ARID1B: variants seen among roughly 807,000 people sequenced by gnomAD.
ARID1B encodes AT-rich interaction domain 1B.
In ARID1B, 30 loss-of-function variants were observed where a neutral mutation model predicts 212.3. That is an observed-to-expected ratio of 0.14 (90% CI 0.11 to 0.19). The LOEUF (loss-of-function observed/expected upper bound fraction) is 0.19. ARID1B is among the 10% of genes least tolerant of loss of function. The probability of loss-of-function intolerance (pLI) is 1.00; values close to 1 mark genes in which losing one functional copy is unlikely to be tolerated. For missense variants in ARID1B, 2,891 were observed against 3,204.0 expected (o/e 0.90, Z 2.36); for synonymous variants, 1,402 against 1,301.7 (o/e 1.08, Z -1.66).
In ARID1B at chr6:157,084,814, C is replaced by T. The variant is rs1325638055; in HGVS notation, c.2400C>T (p.Ser800=). ...FSPHASPHLS[S]IPGGPSPSPV... The stretch of plus-strand genomic sequence containing the variant: ...CACATGCGTCCCCTCATCTCTCCAG[C>T]ATCCCGGGGGGCCCATCTCCCTCTC... Residue 800 remains serine (S), a synonymous_variant, in exon 5 of 20, where the codon AGC becomes AGT. Transcript: ENST00000636930. 6.2e-7 allele frequency: 1 copy of T among 1,613,992 alleles called. No homozygotes were observed. The highest frequency in any genetic ancestry group is 1.3e-5 in the African/African-American group (1 of 74,926).
At position 157,196,025 on chromosome 6, in the gene ARID1B, C is replaced by T. The variant is rs1352617977; in HGVS notation, c.4232-140C>T. On this transcript the variant is annotated intron_variant, in intron 15 of 19. Transcript: ENST00000636930. Reference sequence around the variant, plus strand: ...GCAGTGAGCCAAGATCACACCACTGCATTAGCCTGGGCGACAGAGTGAGAC... The same window carrying T: ...GCAGTGAGCCAAGATCACACCACTGTATTAGCCTGGGCGACAGAGTGAGAC... 9.5e-6 allele frequency: 10 copies of T among 1,054,982 alleles called. No individual in the cohort carries two copies. In the Admixed American group the frequency reaches 2.5e-4, roughly 26 times the overall value. The allele number at this position is 1,054,982 out of a possible 1,614,324, so 65.4% of individuals were successfully genotyped here.
At chr6:157,163,132 T>C (rs1791054899) in intron 8 of ARID1B, among the ~76,000 whole-genome samples, 1 of 152,200 alleles carries the variant, frequency 6.6e-6, no homozygotes, top group African/African-American at 2.4e-5. Flanking sequence ...TTAACACTCC[T>C]AATTCATTTG....
chr6:156,853,590 G>A (rs1457248924), intron 2 of ARID1B, among the ~76,000 whole-genome samples: 1 of 152,066 alleles, frequency 6.6e-6, no homozygotes, highest in Non-Finnish European at 1.5e-5. Flanking sequence ...TGCCAGCACA[G>A]CTTCTCTTGT....
At chr6:156,995,099 G>C (rs1005305063) in intron 4 of ARID1B, among the ~76,000 whole-genome samples, 5 of 152,182 alleles carry the variant, frequency 3.3e-5, no homozygotes, top group South Asian at 2.1e-4. Flanking sequence ...GTCTGTCTCT[G>C]AAGAGGGCCC....
At chr6:156,798,363 CTGG>C (rs1446216137) in intron 1 of ARID1B, among the ~76,000 whole-genome samples, 1 of 152,202 alleles carries the variant, frequency 6.6e-6, no homozygotes, top group Non-Finnish European at 1.5e-5. Flanking sequence ...TCAGATTATG[CTGG>C]TGGTGGTGAT....
chr6:157,052,867 A>G (rs912689352), intron 4 of ARID1B, among the ~76,000 whole-genome samples: 3 of 143,746 alleles, frequency 2.1e-5, no homozygotes, highest in Non-Finnish European at 4.6e-5. Context: ...TTACAGGCAC[A>G]TGCCACCATG....
At chr6:157,036,519 T>C in intron 4 of ARID1B, 1 of 270,340 alleles carries the variant, frequency 3.7e-6, no homozygotes, top group Non-Finnish European at 7.3e-6. Context: ...TGTTGTGATT[T>C]AGGTGAGAAG....
At chr6:157,082,036 CT>C (rs1314895141) in intron 4 of ARID1B, among the ~76,000 whole-genome samples, 4 of 152,090 alleles carry the variant, frequency 2.6e-5, no homozygotes. Context: ...CTGTCAGGGC[CT>C]GGATATGGAG....
intron 4 of ARID1B, among the ~76,000 whole-genome samples, chr6:156,963,190 G>C (rs771062038): frequency 9.9e-5 from 15 of 152,214 alleles, no homozygotes; most frequent in Non-Finnish European, 1.9e-4. Context: ...GACTGTGTTT[G>C]TGTTGCATTT....
At position 156,897,264 on chromosome 6, in the gene ARID1B, CTTATTA is replaced by C. The variant is rs1163995525; in HGVS notation, c.1987-4091_1987-4086del. ...TCTTCTTCTTCTTCTTCTTCTTCTT[CTTATTA>C]TTATTATTATTATTATTATTTGAGA... On this transcript the variant is annotated intron_variant, in intron 2 of 19. Transcript: ENST00000636930. Among the ~76,000 whole-genome samples the C allele has an allele frequency of 4.7e-3, 390 of 83,590 alleles. 4 individuals are homozygous for C. Among genetic ancestry groups the C allele is most frequent in the Middle Eastern group, 0.021 (4 of 194 alleles). 54.8% of individuals were successfully genotyped at this position (83,590 alleles called of 152,430 possible).
At chr6:156,791,197 C>T (rs1435347697) in intron 1 of ARID1B, among the ~76,000 whole-genome samples, 4 of 152,150 alleles carry the variant, frequency 2.6e-5, no homozygotes, top group African/African-American at 9.7e-5. Context: ...AAGTTTTATT[C>T]TTGGTGCATC....
chr6:156,892,548 A>G (rs1398305266), intron 2 of ARID1B, among the ~76,000 whole-genome samples: 1 of 152,236 alleles, frequency 6.6e-6, no homozygotes, highest in East Asian at 1.9e-4. Flanking sequence ...TTTTAAAGCT[A>G]TTATTTATAT....
intron 2 of ARID1B, among the ~76,000 whole-genome samples, chr6:156,849,617 G>C (rs2128104742): frequency 6.6e-6 from 1 of 152,300 alleles, no homozygotes; most frequent in South Asian, 2.1e-4. Context: ...TTCTGTCCCA[G>C]AGAGCAGACA....
intron 3 of ARID1B, among the ~76,000 whole-genome samples, chr6:156,909,516 A>G (rs1431522972): frequency 6.6e-6 from 1 of 152,216 alleles, no homozygotes; most frequent in Non-Finnish European, 1.5e-5. Flanking sequence ...ATGTTCAGAT[A>G]GCCCCAGTTG....
intron 2 of ARID1B, among the ~76,000 whole-genome samples, chr6:156,852,164 G>A (rs1405310976): frequency 6.6e-6 from 1 of 151,998 alleles, no homozygotes; most frequent in African/African-American, 2.4e-5. Flanking sequence ...AAAAAAATTT[G>A]AGGCCGGGCG....
chr6:157,134,296 T>C (rs1194320379), intron 7 of ARID1B, among the ~76,000 whole-genome samples: 1 of 152,252 alleles, frequency 6.6e-6, no homozygotes, highest in Non-Finnish European at 1.5e-5. Context: ...AGCGAGTTAT[T>C]ATCTTGTGTT....
At chr6:156,896,896 C>T (rs1388693540) in intron 2 of ARID1B, among the ~76,000 whole-genome samples, 1 of 152,054 alleles carries the variant, frequency 6.6e-6, no homozygotes, top group Non-Finnish European at 1.5e-5. Context: ...CAAAAACAAA[C>T]TTCTTTAGAA....
intron 4 of ARID1B, among the ~76,000 whole-genome samples, chr6:157,029,884 G>C (rs1780917810): frequency 6.6e-6 from 1 of 152,132 alleles, no homozygotes; most frequent in Non-Finnish European, 1.5e-5. Flanking sequence ...TTTTAAGGAG[G>C]GAGTGGAGAT....
intron 4 of ARID1B, among the ~76,000 whole-genome samples, chr6:156,990,011 G>C (rs1273030726): frequency 6.6e-6 from 1 of 152,038 alleles, no homozygotes; most frequent in Non-Finnish European, 1.5e-5. Flanking sequence ...TTCTTATACA[G>C]AAAGTATTTA....
Sources: gnomAD v4.1 joint callset for allele counts (sites outside exome capture counted in the v4.1 genomes callset) on GRCh38, gnomAD v4.1.1 for gene constraint, MANE v1.5 for transcripts, NCBI Gene and HGNC (gene_info 2026-07-23, HGNC 2026-07-21) for gene names.